The following AKAP6 variants were observed in gnomAD, a reference collection of about 807,000 sequenced individuals.
The protein encoded by AKAP6 is A-kinase anchoring protein 6.
AKAP6 carries 58 observed loss-of-function variants against 188.5 expected under a neutral mutation model. The ratio of observed to expected loss-of-function variants is 0.31; its 90% CI spans 0.25 to 0.38. The LOEUF is 0.38. Ranked by LOEUF, AKAP6 falls within the 10% of genes least tolerant of loss-of-function variation. The pLI is 1.00. For missense variants in AKAP6, 2,710 were observed against 2,740.0 expected (o/e 0.99, Z 0.24); for synonymous variants, 989 against 998.6 (o/e 0.99, Z 0.18).
At chr14:32,652,275 C>G (rs1165576254) in intron 7 of AKAP6, among the ~76,000 whole-genome samples, 2 of 152,112 alleles carry the variant, frequency 1.3e-5, no homozygotes, top group African/African-American at 2.4e-5. Context: ...TTCTTCTCCC[C>G]TTTTGTTCCC....
At chr14:32,348,693 A>T (rs190064678) in intron 1 of AKAP6, among the ~76,000 whole-genome samples, 1 of 152,038 alleles carries the variant, frequency 6.6e-6, no homozygotes, top group African/African-American at 2.4e-5. Flanking sequence ...GATTATAGGC[A>T]TGAGCCACCG....
At chr14:32,782,639 C>T (rs2033287661) in intron 12 of AKAP6, among the ~76,000 whole-genome samples, 1 of 152,002 alleles carries the variant, frequency 6.6e-6, no homozygotes, top group Admixed American at 6.6e-5. Flanking sequence ...AATTTTTAAA[C>T]ATTCAATTTA....
intron 11 of AKAP6, among the ~76,000 whole-genome samples, chr14:32,742,913 TG>T (rs1356329822): frequency 3.9e-5 from 6 of 152,134 alleles, no homozygotes; most frequent in African/African-American, 1.2e-4. Flanking sequence ...CTAAATCCAA[TG>T]TTTTTTTCTT....
chr14:32,472,757 T>C (rs1029430144), intron 2 of AKAP6, among the ~76,000 whole-genome samples: 2 of 152,196 alleles, frequency 1.3e-5, no homozygotes, highest in African/African-American at 2.4e-5. Flanking sequence ...TGCAATTCTA[T>C]GTTGAAGAAA....
At chr14:32,351,268 A>G (rs987194097) in intron 1 of AKAP6, among the ~76,000 whole-genome samples, 6 of 152,218 alleles carry the variant, frequency 3.9e-5, no homozygotes, top group African/African-American at 1.4e-4. Context: ...ATATTAGTCA[A>G]AATTATTACC....
chr14:32,686,259 G>T (rs373695914), intron 8 of AKAP6, among the ~76,000 whole-genome samples: 1 of 152,130 alleles, frequency 6.6e-6, no homozygotes, highest in Non-Finnish European at 1.5e-5. Flanking sequence ...AAATCATGGA[G>T]ACAGAGAAGG....
chr14:32,451,644 AC>A (rs1399725356), intron 2 of AKAP6, among the ~76,000 whole-genome samples: 2 of 152,172 alleles, frequency 1.3e-5, no homozygotes, highest in Admixed American at 1.3e-4. Context: ...TGTTGTTTAA[AC>A]AAAACATTTA....
At chr14:32,472,572 T>C (rs527620887) in intron 2 of AKAP6, among the ~76,000 whole-genome samples, 149 of 152,330 alleles carry the variant, frequency 9.8e-4, no homozygotes, top group Non-Finnish European at 2.9e-5. Context: ...TGCCCCTCTT[T>C]GCTGAGAGGC....
intron 2 of AKAP6, among the ~76,000 whole-genome samples, chr14:32,488,934 C>G (rs1594669638): frequency 6.6e-6 from 1 of 152,208 alleles, no homozygotes; most frequent in East Asian, 1.9e-4. Flanking sequence ...CTGGGCACTA[C>G]AGACTGGAGC....
At chr14:32,536,724 A>G (rs767358711) in intron 3 of AKAP6, among the ~76,000 whole-genome samples, 7 of 152,232 alleles carry the variant, frequency 4.6e-5, no homozygotes, top group Non-Finnish European at 7.3e-5. Flanking sequence ...TAACTTAAGA[A>G]TGGACCCTGT....
intron 1 of AKAP6, among the ~76,000 whole-genome samples, chr14:32,334,693 G>T (rs1183203783): frequency 1.3e-5 from 2 of 152,176 alleles, no homozygotes; most frequent in Non-Finnish European, 2.9e-5. Flanking sequence ...TGATAATGAG[G>T]GGGACTATTG....
At chr14:32,783,651 A>G (rs992855872) in intron 12 of AKAP6, among the ~76,000 whole-genome samples, 2 of 152,132 alleles carry the variant, frequency 1.3e-5, no homozygotes, top group African/African-American at 4.8e-5. Flanking sequence ...AACACATCGC[A>G]CTTGATATAT....
chr14:32,540,342 G>A (rs1480516232), intron 3 of AKAP6, among the ~76,000 whole-genome samples: 1 of 151,498 alleles, frequency 6.6e-6, no homozygotes, highest in Non-Finnish European at 1.5e-5. Context: ...GGGATTACAG[G>A]CACATGCCAC....
chr14:32,671,898 C>G (rs1479908434), intron 7 of AKAP6, among the ~76,000 whole-genome samples: 1 of 152,110 alleles, frequency 6.6e-6, no homozygotes, highest in Non-Finnish European at 1.5e-5. Context: ...TAGCAAAAAG[C>G]AAACTAAAAA....
chr14:32,542,867 A>G (rs1320817628), intron 3 of AKAP6, among the ~76,000 whole-genome samples: 1 of 152,208 alleles, frequency 6.6e-6, no homozygotes, highest in Non-Finnish European at 1.5e-5. Flanking sequence ...TTCAAATATT[A>G]AAGCAATATA....
intron 4 of AKAP6, among the ~76,000 whole-genome samples, chr14:32,558,527 G>A (rs906460115): frequency 2.6e-5 from 4 of 152,230 alleles, no homozygotes; most frequent in Non-Finnish European, 4.4e-5. Context: ...GAGGCATAAT[G>A]TTAGTGACAG....
At chr14:32,483,005 A>ATGTGTGTGTGTGTG (rs1435446426) in intron 2 of AKAP6, among the ~76,000 whole-genome samples, 22,005 of 110,888 alleles carry the variant, frequency 0.2, 1,776 homozygotes, top group South Asian at 0.41. Context: ...ATATATATAT[A>ATGTGTGTGTGTGTG]TATATATGTA....
intron 7 of AKAP6, among the ~76,000 whole-genome samples, chr14:32,648,651 A>G (rs1888082504): frequency 6.6e-6 from 1 of 152,174 alleles, no homozygotes; most frequent in Non-Finnish European, 1.5e-5. Context: ...TATGAGGTAC[A>G]TTTTGTCAGT....
At chr14:32,520,546 C>T (rs1881772474) in intron 2 of AKAP6, among the ~76,000 whole-genome samples, 1 of 152,164 alleles carries the variant, frequency 6.6e-6, no homozygotes, top group Non-Finnish European at 1.5e-5. Flanking sequence ...ATACAAACTA[C>T]CATCAGAGAA....
Sources: allele counts gnomAD v4.1 joint callset (sites outside exome capture counted in the v4.1 genomes callset), GRCh38; gene constraint gnomAD v4.1.1; transcripts MANE v1.5; gene names NCBI Gene and HGNC (gene_info 2026-07-23, HGNC 2026-07-21).